Variants in ANKFN1 observed in about 807,000 individuals in gnomAD.
ANKFN1 encodes the protein ankyrin repeat and fibronectin type III domain containing 1.
Under a neutral mutation model 108.7 loss-of-function variants are expected in ANKFN1, and 74 were observed. The ratio of observed to expected loss-of-function variants is 0.68; its 90% CI spans 0.56 to 0.83. The LOEUF (loss-of-function observed/expected upper bound fraction) is 0.83, where lower values mean the gene tolerates loss of function less well. ANKFN1 is among the 40% of genes least tolerant of loss of function. The pLI is 0.00. For synonymous variants in ANKFN1, 547 were observed against 516.2 expected (o/e 1.06, Z -0.81); for missense variants, 1,505 against 1,382.3 (o/e 1.09, Z -1.41).
chr17:56,053,461 C>T (rs1904812879), intron 4 of ANKFN1, among the ~76,000 whole-genome samples: 1 of 152,176 alleles, frequency 6.6e-6, no homozygotes, highest in African/African-American at 2.4e-5. Flanking sequence ...CATTTCTCTC[C>T]ATGACATTGC....
intron 4 of ANKFN1, among the ~76,000 whole-genome samples, chr17:56,053,894 G>A (rs765642728): frequency 9.2e-5 from 14 of 152,238 alleles, no homozygotes; most frequent in Non-Finnish European, 1.5e-4. Flanking sequence ...ATCACTTTTG[G>A]AGTACAAGTG....
rs148773149 is a variant in ANKFN1 at position 56,513,877 on chromosome 17, T to C, written c.*2608T>C. On this transcript the variant is annotated 3_prime_UTR_variant, in exon 21 of 21. Coordinates refer to ENST00000682825, the MANE Select transcript of ANKFN1 (RefSeq NM_001370326.1). Reference sequence around the variant, plus strand: ...GTGGGTATGTTGTAGCTTCCATAATTAGCTATTATTCAGGTAGGTTTCCCC... The same window carrying C: ...GTGGGTATGTTGTAGCTTCCATAATCAGCTATTATTCAGGTAGGTTTCCCC... Among the ~76,000 whole-genome samples the C allele has an allele frequency of 6.0e-4, 92 of 152,290 alleles. 1 individual carries two copies. The East Asian group carries it at 0.016, about 27-fold the overall frequency.
intron 3 of ANKFN1, among the ~76,000 whole-genome samples, chr17:56,311,632 C>T (rs1416457651): frequency 1.3e-5 from 2 of 152,168 alleles, no homozygotes; most frequent in Non-Finnish European, 2.9e-5. Context: ...AGATTGTCTA[C>T]GTGGGTGGCT....
chr17:56,508,087 A>G (rs2051626127), intron 20 of ANKFN1, among the ~76,000 whole-genome samples: 1 of 152,208 alleles, frequency 6.6e-6, no homozygotes, highest in Non-Finnish European at 1.5e-5. Flanking sequence ...TTTCTTCCAC[A>G]CAACCACAGC....
At chr17:56,424,871 A>T (rs761881308) in intron 8 of ANKFN1, among the ~76,000 whole-genome samples, 7 of 152,192 alleles carry the variant, frequency 4.6e-5, no homozygotes, top group Admixed American at 6.5e-5. Flanking sequence ...AAAAAAACCT[A>T]CTGTCAAAGG....
intron 1 of ANKFN1, among the ~76,000 whole-genome samples, chr17:56,163,426 G>C (rs1909865863): frequency 6.6e-6 from 1 of 152,202 alleles, no homozygotes; most frequent in South Asian, 2.1e-4. Context: ...AGAAAGCCCT[G>C]GCTGGCTCCT....
chr17:56,107,025 A>G (rs1445235734), intron 4 of ANKFN1, among the ~76,000 whole-genome samples: 3 of 152,162 alleles, frequency 2.0e-5, no homozygotes, highest in African/African-American at 7.2e-5. Context: ...CCCTGTACCA[A>G]AGAAAATCAT....
At chr17:56,424,506 G>A (rs115443142) in intron 8 of ANKFN1, among the ~76,000 whole-genome samples, 187 of 152,322 alleles carry the variant, frequency 1.2e-3, no homozygotes, top group African/African-American at 4.4e-3. Flanking sequence ...GTGGAAGAAG[G>A]TGTCACAAAG....
chr17:56,502,772 C>T (rs1440384694), intron 20 of ANKFN1, among the ~76,000 whole-genome samples: 1 of 152,238 alleles, frequency 6.6e-6, no homozygotes, highest in African/African-American at 2.4e-5. Context: ...GATTCACTAA[C>T]TTCAAAGGAG....
At chr17:56,146,912 A>T (rs1908296396) in intron 4 of ANKFN1, among the ~76,000 whole-genome samples, 2 of 152,182 alleles carry the variant, frequency 1.3e-5, no homozygotes, top group Non-Finnish European at 2.9e-5. Flanking sequence ...TTGTGGCATC[A>T]TCAGGCTGCA....
intron 16 of ANKFN1, among the ~76,000 whole-genome samples, chr17:56,478,028 T>A (rs2050567491): frequency 6.6e-6 from 1 of 152,114 alleles, no homozygotes; most frequent in South Asian, 2.1e-4. Context: ...GGTTTCACCA[T>A]GTTGGTCGGG....
rs575655705 is a variant in ANKFN1, at chr17:56,330,511, A to G, written c.188+4156A>G. On this transcript the variant is annotated intron_variant, in intron 4 of 20. Coordinates refer to ENST00000682825, the MANE Select transcript of ANKFN1 (RefSeq NM_001370326.1). Reference sequence around the variant, plus strand: ...AAATATAAGCTAGTATTATTAGTCCATAATTTCGCATACCACACTATTTCA... The same window carrying G: ...AAATATAAGCTAGTATTATTAGTCCGTAATTTCGCATACCACACTATTTCA... Among the ~76,000 whole-genome samples the G allele has an allele frequency of 2.0e-5, 3 of 152,262 alleles. No homozygotes were observed. The South Asian group carries it at 6.2e-4, about 32-fold the overall frequency.
At chr17:56,416,412 T>C (rs537635919) in intron 8 of ANKFN1, among the ~76,000 whole-genome samples, 2 of 152,178 alleles carry the variant, frequency 1.3e-5, no homozygotes, top group African/African-American at 2.4e-5. Context: ...TAAGCATTTC[T>C]CAAAAGAAGA....
chr17:56,155,534 C>T (rs1372076587), intron 1 of ANKFN1, among the ~76,000 whole-genome samples: 1 of 152,148 alleles, frequency 6.6e-6, no homozygotes, highest in East Asian at 1.9e-4. Context: ...CAGGAAGGTT[C>T]TCTTTGAGGA....
intron 4 of ANKFN1, among the ~76,000 whole-genome samples, chr17:56,142,979 G>T (rs912196954): frequency 6.6e-6 from 1 of 152,164 alleles, no homozygotes; most frequent in Non-Finnish European, 1.5e-5. Flanking sequence ...ACCCAGGAAT[G>T]CATTTGGAGG....
At chr17:56,449,341 T>G (rs1172815747) in intron 11 of ANKFN1, among the ~76,000 whole-genome samples, 155 bp downstream of exon 11, 1 of 152,124 alleles carries the variant, frequency 6.6e-6, no homozygotes, top group Non-Finnish European at 1.5e-5. Context: ...TATCTTGCTT[T>G]AACCCTTCAG....
chr17:56,148,579 AG>A (rs1270992088), upstream of ANKFN1, among the ~76,000 whole-genome samples: 1 of 152,234 alleles, frequency 6.6e-6, no homozygotes, highest in Non-Finnish European at 1.5e-5. Context: ...GACTTTGATC[AG>A]AACCACCTAT....
At chr17:56,496,107 TG>T (rs2051194201) in intron 19 of ANKFN1, among the ~76,000 whole-genome samples, 1 of 152,146 alleles carries the variant, frequency 6.6e-6, no homozygotes, top group Non-Finnish European at 1.5e-5. Context: ...GGGTGAAAAT[TG>T]GCCTTCTTTT....
In ANKFN1 at chr17:56,513,113, G is replaced by C. The variant is rs2051822176; in HGVS notation, c.*1844G>C. Among the ~76,000 whole-genome samples, 1 of 152,204 alleles carries C rather than the reference G, an allele frequency of 6.6e-6. No individual in the cohort carries two copies. Among genetic ancestry groups the C allele is most frequent in the Admixed American group, 6.5e-5 (1 of 15,290 alleles). ...GTTAAGTAACATGCTCAAGGTCACG[G>C]AGCTGGTTTAGTCTCAGAGTTAGGG... On this transcript the variant is annotated 3_prime_UTR_variant, in exon 21 of 21. Coordinates refer to ENST00000682825, the MANE Select transcript of ANKFN1 (RefSeq NM_001370326.1).
Sources: allele counts gnomAD v4.1 joint callset (sites outside exome capture counted in the v4.1 genomes callset), GRCh38; gene constraint gnomAD v4.1.1; transcripts MANE v1.5; gene names NCBI Gene and HGNC (gene_info 2026-07-23, HGNC 2026-07-21).